The following BCKDHB variants were observed in gnomAD, a reference collection of about 807,000 sequenced individuals.
The protein encoded by BCKDHB is branched chain keto acid dehydrogenase E1 subunit beta, also known as 2-oxoisovalerate dehydrogenase subunit beta, mitochondrial.
In BCKDHB, 41 loss-of-function variants were observed where a neutral mutation model predicts 48.5. That is an observed-to-expected ratio of 0.85 (90% CI 0.66 to 1.10). The LOEUF (loss-of-function observed/expected upper bound fraction) is 1.10. BCKDHB is among the 50% of genes least tolerant of loss of function. The probability of loss-of-function intolerance (pLI) is 0.00; values close to 1 mark genes in which losing one functional copy is unlikely to be tolerated. For missense variants in BCKDHB, 496 were observed against 494.2 expected (o/e 1.00, Z -0.03); for synonymous variants, 201 against 174.8 (o/e 1.15, Z -1.18).
At chr6:80,308,002 C>G in intron 9 of BCKDHB, 1 of 814,718 alleles carries the variant, frequency 1.2e-6, no homozygotes, top group Non-Finnish European at 1.5e-6. Context: ...ACAATCACAA[C>G]TAAGGGGATG....
the BCKDHB span, among the ~76,000 whole-genome samples, chr6:80,466,559 C>G: frequency 6.6e-6 from 1 of 152,164 alleles, no homozygotes. Context: ...CGTTAATTAG[C>G]TTGATTATGG....
the BCKDHB span, among the ~76,000 whole-genome samples, chr6:80,406,287 T>A: frequency 6.6e-6 from 1 of 152,068 alleles, no homozygotes; most frequent in Admixed American, 6.5e-5. Context: ...AATAAACATA[T>A]GTGTGCATGT....
chr6:80,436,147 C>CTT, the BCKDHB span, among the ~76,000 whole-genome samples: 6,428 of 70,184 alleles, frequency 0.092, 2,315 homozygotes, highest in Non-Finnish European at 0.11. Flanking sequence ...AAATTCTTTT[C>CTT]TTTTTTTTTT....
rs374174741 is a variant in BCKDHB, at chr6:80,323,859, G to GC, written c.1039-19799dup. Reference sequence around the variant, plus strand: ...GCCATCTTGGCTCACTGCAAGCTCCGCCCCCCGGGTTCACGCCATTCTCCT... The same window carrying GC: ...GCCATCTTGGCTCACTGCAAGCTCCGCCCCCCCGGGTTCACGCCATTCTCCT... On this transcript the variant is annotated intron_variant, in intron 9 of 9. Transcript: ENST00000320393. Among the ~76,000 whole-genome samples, 747 of 152,128 alleles carry GC rather than the reference G, an allele frequency of 4.9e-3. 5 individuals are homozygous for GC. The highest frequency in any genetic ancestry group is 0.017 in the African/African-American group (714 of 41,520).
At chr6:80,164,654 A>G (rs558216605) in intron 3 of BCKDHB, among the ~76,000 whole-genome samples, 24 of 152,366 alleles carry the variant, frequency 1.6e-4, no homozygotes, top group African/African-American at 5.8e-4. Context: ...TGTTGAATAA[A>G]TGTATGAATT....
the BCKDHB span, chr6:80,463,337 T>C: frequency 6.6e-6 from 1 of 152,092 alleles, no homozygotes; most frequent in African/African-American, 2.4e-5. Context: ...TCCATGTGAG[T>C]TCAAGCTGTG....
the BCKDHB span, among the ~76,000 whole-genome samples, chr6:80,358,538 A>G: frequency 6.6e-6 from 1 of 152,242 alleles, no homozygotes; most frequent in African/African-American, 2.4e-5. Flanking sequence ...ATATTATTCT[A>G]TCATAAAAAT....
chr6:80,464,972 T>C, the BCKDHB span, among the ~76,000 whole-genome samples: 1 of 152,218 alleles, frequency 6.6e-6, no homozygotes, highest in Non-Finnish European at 1.5e-5. Flanking sequence ...CAGGACTTCT[T>C]TATGCAGGCT....
chr6:80,379,968 C>T, the BCKDHB span, among the ~76,000 whole-genome samples: 3 of 152,094 alleles, frequency 2.0e-5, no homozygotes, highest in Admixed American at 2.0e-4. Context: ...ACCCCATGCT[C>T]ATGGATTAGA....
chr6:80,320,621 A>G (rs551490838), intron 9 of BCKDHB, among the ~76,000 whole-genome samples: 5 of 152,360 alleles, frequency 3.3e-5, no homozygotes, highest in African/African-American at 1.2e-4. Flanking sequence ...TAGAAGAATC[A>G]GTCCTATTTT....
chr6:80,264,317 TA>T (rs976468738), intron 8 of BCKDHB, among the ~76,000 whole-genome samples: 25 of 152,180 alleles, frequency 1.6e-4, no homozygotes, highest in African/African-American at 6.0e-4. Context: ...TATACAACAT[TA>T]AAAGTTAATT....
intron 6 of BCKDHB, among the ~76,000 whole-genome samples, chr6:80,183,149 C>T (rs563444122): frequency 6.6e-4 from 101 of 152,192 alleles, no homozygotes; most frequent in African/African-American, 2.3e-3. Context: ...CTCTTAATCC[C>T]TTTCTTGCTT....
Position 80,283,067 on chromosome 6 carries a change from C to T in BCKDHB, c.1038+9846C>T, listed in dbSNP as rs560723983. Among the ~76,000 whole-genome samples the T allele has an allele frequency of 1.8e-4, 27 of 152,118 alleles. 2 individuals carry two copies. The South Asian group carries it at 3.1e-3, about 18-fold the overall frequency. On this transcript the variant is annotated intron_variant, in intron 9 of 9. Coordinates refer to ENST00000320393, the MANE Select transcript of BCKDHB (RefSeq NM_183050.4). ...GATTTTAAAACCAATGCCACCTCAC[C>T]GCATAAGATTTGGTTTTTCTGCAGG...
At chr6:80,198,332 G>T (rs574452700) in intron 6 of BCKDHB, among the ~76,000 whole-genome samples, 97 of 152,276 alleles carry the variant, frequency 6.4e-4, no homozygotes, top group African/African-American at 2.3e-3. Context: ...AACTTTTAAA[G>T]AAGTGTATGA....
intron 8 of BCKDHB, 151 bp downstream of exon 8, chr6:80,203,363 T>A: frequency 1.5e-6 from 1 of 657,476 alleles, no homozygotes; most frequent in Non-Finnish European, 2.7e-6. Flanking sequence ...AAGAAAGTTG[T>A]ATAAACAGCT....
At chr6:80,159,486 A>G (rs575080260) in intron 3 of BCKDHB, among the ~76,000 whole-genome samples, 96 of 152,306 alleles carry the variant, frequency 6.3e-4, no homozygotes, top group Middle Eastern at 3.4e-3. Flanking sequence ...ATTTGCGTGC[A>G]TATTCATTAT....
At chr6:80,410,409 C>G in the BCKDHB span, among the ~76,000 whole-genome samples, 5 of 152,162 alleles carry the variant, frequency 3.3e-5, no homozygotes, top group Admixed American at 6.5e-5. Flanking sequence ...CTTGGTGAAT[C>G]TGACGATTAT....
the BCKDHB span, among the ~76,000 whole-genome samples, chr6:80,378,107 AT>A: frequency 6.6e-6 from 1 of 152,012 alleles, no homozygotes; most frequent in African/African-American, 2.4e-5. Context: ...TTACATTTTT[AT>A]TTTAGATTCA....
chr6:80,271,658 T>G (rs1255978976), intron 8 of BCKDHB, among the ~76,000 whole-genome samples: 5 of 152,210 alleles, frequency 3.3e-5, no homozygotes, highest in Admixed American at 2.6e-4. Flanking sequence ...ATGCACCAGA[T>G]AGCTTGGATG....
Sources: gnomAD v4.1 joint callset for allele counts (sites outside exome capture counted in the v4.1 genomes callset) on GRCh38, gnomAD v4.1.1 for gene constraint, MANE v1.5 for transcripts, NCBI Gene and HGNC (gene_info 2026-07-23, HGNC 2026-07-21) for gene names.